SDF4: variants seen among roughly 807,000 people sequenced by gnomAD.
SDF4 encodes the protein 45 kDa calcium-binding protein.
A neutral mutation model predicts 34.2 loss-of-function variants in SDF4; 22 were observed. The observed-to-expected ratio is 0.64, with a 90% CI of 0.46 to 0.92. The LOEUF (loss-of-function observed/expected upper bound fraction) is 0.92. Among genes scored for constraint, SDF4 ranks in the 40% least tolerant of loss-of-function variants. SDF4 has a pLI of 0.00. For missense variants in SDF4, 447 were observed against 499.9 expected (o/e 0.89, Z 1.01); for synonymous variants, 236 against 203.1 (o/e 1.16, Z -1.38).
intron 1 of SDF4, among the ~76,000 whole-genome samples, chr1:1,229,195 T>C (rs373040697): frequency 1.3e-5 from 2 of 152,172 alleles, no homozygotes; most frequent in East Asian, 1.9e-4. Context: ...GTGGTGTTTT[T>C]TTCTTTATTT....
rs936065202 is a variant in SDF4, at chr1:1,219,903, G to A, written c.557-976C>T. ...CACTGCGGGATGAGGCCCAGCTGCC[G>A]TCCCATCTTATCCCTTTCTGAACAA... On this transcript the variant is annotated intron_variant, in intron 4 of 6. Transcript: ENST00000360001. The A allele has an allele frequency of 2.4e-5, 24 of 985,512 alleles. 1 individual carries two copies. Among genetic ancestry groups the A allele is most frequent in the Middle Eastern group, 5.2e-4 (1 of 1,906 alleles). 61.0% of individuals were successfully genotyped at this position (985,512 alleles called of 1,614,324 possible).
At chr1:1,223,785 T>TTG in intron 3 of SDF4, 47 bp downstream of exon 3, 1 of 552,536 alleles carries the variant, frequency 1.8e-6, no homozygotes, top group Non-Finnish European at 3.2e-6. Flanking sequence ...CCCATGGCCC[T>TTG]GCCCGCCCCG....
At position 1,227,292 on chromosome 1, in the gene SDF4, G is replaced by GGCGGGAAGGCGAGCTCGTGGCCAGGCCCT. The variant is rs1638341897; in HGVS notation, c.305+1147_305+1175dup. 4 of 152,836 alleles carry GGCGGGAAGGCGAGCTCGTGGCCAGGCCCT rather than the reference G, an allele frequency of 2.6e-5. 2 individuals are homozygous for GGCGGGAAGGCGAGCTCGTGGCCAGGCCCT. In the East Asian group the frequency reaches 7.8e-4, roughly 30 times the overall value. 9.5% of individuals were successfully genotyped at this position (152,836 alleles called of 1,614,324 possible). A position where few individuals can be genotyped will look rare whatever the true frequency, so the allele number is the denominator to read the frequency against. On this transcript the variant is annotated intron_variant, in intron 2 of 6. Coordinates refer to ENST00000360001, the MANE Select transcript of SDF4 (RefSeq NM_016176.6). ...GCACTGGTCCTGGAGCACCAGGCCC[G>GGCGGGAAGGCGAGCTCGTGGCCAGGCCCT]GCGGGAAGGCGAGCTCGTGGCCAGG...
chr1:1,231,107 A>T (rs1247403404), intron 1 of SDF4, among the ~76,000 whole-genome samples: 1 of 152,258 alleles, frequency 6.6e-6, no homozygotes, highest in African/African-American at 2.4e-5. Flanking sequence ...AAGGGGGAAT[A>T]AAAAGTAACC....
intron 2 of SDF4, among the ~76,000 whole-genome samples, chr1:1,225,175 C>T (rs151235170): frequency 5.9e-5 from 9 of 152,326 alleles, no homozygotes; most frequent in Non-Finnish European, 8.8e-5. Context: ...CTGCTGCAGC[C>T]GCCCGTGTCC....
chr1:1,228,444 G>C (rs752475087), intron 2 of SDF4, 24 bp downstream of exon 2: 1 of 1,579,624 alleles, frequency 6.3e-7, no homozygotes, highest in Non-Finnish European at 8.6e-7. Flanking sequence ...CAGCCCCCCA[G>C]TCTGGGCACA....
chr1:1,219,504 C>G (rs957694550), intron 4 of SDF4: 2 of 994,510 alleles, frequency 2.0e-6, no homozygotes, highest in Non-Finnish European at 2.4e-6. Context: ...CTGCCCTTTT[C>G]CGTTTCCTTC....
In SDF4 at chr1:1,218,964, A is replaced by T; in HGVS notation, c.557-37T>A. 6.2e-7 allele frequency: 1 copy of T among 1,612,490 alleles called. No individual in the cohort carries two copies. Among genetic ancestry groups the T allele is most frequent in the South Asian group, 1.1e-5 (1 of 91,014 alleles). On this transcript the variant is annotated intron_variant, in intron 4 of 6. Transcript: ENST00000360001. The surrounding 1 kb of genome is among the most constrained non-coding windows in gnomAD (Gnocchi z 7.9). ...GCAGCCTGTGGGTATCGAGGCCGAC[A>T]GACGCCAGCACGCAAATCCAGAAAG...
intron 4 of SDF4, chr1:1,219,579 G>A (rs986191637): frequency 1.2e-5 from 12 of 987,306 alleles, no homozygotes; most frequent in Non-Finnish European, 1.4e-5. Context: ...GCTGAGCAGA[G>A]CTTCCCAGGA....
At chr1:1,220,122 C>T (rs1649836167) in intron 4 of SDF4, 4 of 987,130 alleles carry the variant, frequency 4.1e-6, no homozygotes, top group Non-Finnish European at 4.8e-6. Context: ...ACAGGATTCT[C>T]ACAGCCGCCG....
At chr1:1,220,768 AAGAC>A (rs1649898827) in intron 4 of SDF4, 1 of 1,288,884 alleles carries the variant, frequency 7.8e-7, no homozygotes, top group Non-Finnish European at 1.0e-6. Context: ...GCACCAAGGA[AAGAC>A]AGACACAATC....
In SDF4 at chr1:1,228,851, A is replaced by G; in HGVS notation, c.-79T>C. ...GGAGGGGCAGGGGCAGGGGCAGAGG[A>G]GGAAGTGAGGTCCTGGCTCCAATCC... On this transcript the variant is annotated 5_prime_UTR_variant, in exon 2 of 7. Coordinates refer to ENST00000360001, the MANE Select transcript of SDF4 (RefSeq NM_016176.6). The G allele has an allele frequency of 9.8e-6, 13 of 1,327,264 alleles. No homozygotes were observed. The highest frequency in any genetic ancestry group is 1.3e-5 in the Non-Finnish European group (13 of 973,204). 82.2% of individuals were successfully genotyped at this position (1,327,264 alleles called of 1,614,324 possible). A position where few individuals can be genotyped will look rare whatever the true frequency, so the allele number is the denominator to read the frequency against.
intron 2 of SDF4, among the ~76,000 whole-genome samples, chr1:1,225,926 G>A (rs1638289164): frequency 6.6e-6 from 1 of 152,250 alleles, no homozygotes; most frequent in Non-Finnish European, 1.5e-5. Flanking sequence ...CGGCTGCAGG[G>A]CGGTGCACGT....
intron 4 of SDF4, chr1:1,221,092 T>G: frequency 3.6e-6 from 1 of 275,904 alleles, no homozygotes; most frequent in South Asian, 3.6e-5. Context: ...CTCTTACTTT[T>G]AGTTTTTTTA....
rs1023291868 is a variant in SDF4 at position 1,217,677 on chromosome 1, G to A, written c.903C>T (p.Asp301=). ...VTAEELESYM[D]PMNEYNALNE... ...TCAGCGCGTTGTACTCGTTCATGGG[G>A]TCCATGTAGCTCTGCGGGCGAGCGG... Residue 301 remains aspartate, a synonymous_variant, in exon 7 of 7, where the codon GAC becomes GAT. Coordinates refer to ENST00000360001, the MANE Select transcript of SDF4 (RefSeq NM_016176.6). The surrounding 1 kb of genome is among the most constrained non-coding windows in gnomAD (Gnocchi z 8.5). The A allele has an allele frequency of 3.1e-6, 5 of 1,613,842 alleles. No homozygotes were observed. The highest frequency in any genetic ancestry group is 4.2e-6 in the Non-Finnish European group (5 of 1,179,944).
Position 1,228,898 on chromosome 1 carries a change from G to A in SDF4, c.-126C>T, listed in dbSNP as rs1484471895. The A allele has an allele frequency of 4.6e-6, 4 of 872,274 alleles. No individual in the cohort carries two copies. Among genetic ancestry groups the A allele is most frequent in the Admixed American group, 2.6e-5 (1 of 38,752 alleles). The allele number at this position is 872,274 out of a possible 1,614,324, so 54.0% of individuals were successfully genotyped here. ...ATCCAATCCCCGGGCACCACGGAGG[G>A]CTCTGTGTCCCCAGGACGGCCGCAG... On this transcript the variant is annotated 5_prime_UTR_variant, in exon 2 of 7. Transcript: ENST00000360001.
chr1:1,224,138 G>T (rs1264436065), intron 2 of SDF4, among the ~76,000 whole-genome samples, 170 bp from the exon 3 acceptor site: 1 of 152,082 alleles, frequency 6.6e-6, no homozygotes, highest in African/African-American at 2.4e-5. Context: ...CTTGTGGGGT[G>T]CCGGGCCACG....
At chr1:1,219,945 C>T (rs368500430) in intron 4 of SDF4, 108 of 985,572 alleles carry the variant, frequency 1.1e-4, no homozygotes, top group East Asian at 2.3e-4. Flanking sequence ...TCTACACGAC[C>T]GGTTCACTTA....
rs541440380 is a variant in SDF4, at chr1:1,218,813, C to A, written c.671G>T (p.Arg224Leu). Residue 224 changes from arginine (R) to leucine (L), a missense_variant, in exon 5 of 7, where the codon CGG (arginine) becomes CTG (leucine). By Grantham distance (102) the Arg-to-Leu change is moderately radical. Transcript: ENST00000360001. This position sits in a 1 kb window ranked among gnomAD's most constrained non-coding sequence, Gnocchi z 7.9. ...FLSFLHPEHS[R>L]GMLRFMVKEI... ...CTTCACCATGAACCTGAGCATTCCCCGGCTGTGCTCGGGGTGGAGGAACGA... is the reference window on the plus strand; with the variant it reads ...CTTCACCATGAACCTGAGCATTCCCAGGCTGTGCTCGGGGTGGAGGAACGA... The A allele has an allele frequency of 1.9e-6, 3 of 1,607,818 alleles. No individual in the cohort carries two copies. Among genetic ancestry groups the A allele is most frequent in the Non-Finnish European group, 1.7e-6 (2 of 1,175,918 alleles).
Sources: gnomAD v4.1 joint callset for allele counts (sites outside exome capture counted in the v4.1 genomes callset) on GRCh38, gnomAD v4.1.1 for gene constraint, Gnocchi (gnomAD v3.1) non-coding constraint, MANE v1.5 for transcripts, NCBI Gene and HGNC (gene_info 2026-07-23, HGNC 2026-07-21) for gene names.